Variants in ITIH5 observed in about 807,000 individuals in gnomAD.
ITIH5 encodes the protein inter-alpha-trypsin inhibitor heavy chain 5.
ITIH5 carries 65 observed loss-of-function variants against 77.5 expected under a neutral mutation model. That is an observed-to-expected ratio of 0.84 (90% CI 0.69 to 1.03). The LOEUF (loss-of-function observed/expected upper bound fraction) is 1.03, where lower values mean the gene tolerates loss of function less well. ITIH5 is among the 50% of genes least tolerant of loss of function. ITIH5 has a pLI of 0.00. For synonymous variants in ITIH5, 525 were observed against 494.3 expected (o/e 1.06, Z -0.82); for missense variants, 1,208 against 1,213.1 (o/e 1.00, Z 0.06).
intron 1 of ITIH5, among the ~76,000 whole-genome samples, chr10:7,658,282 C>T (rs1282087565): frequency 6.6e-6 from 1 of 152,026 alleles, no homozygotes; most frequent in Non-Finnish European, 1.5e-5. Flanking sequence ...CTCTTTTAAC[C>T]CCATTCCCTG....
intron 10 of ITIH5, among the ~76,000 whole-genome samples, chr10:7,574,870 C>T (rs1446951820): frequency 6.7e-6 from 1 of 150,292 alleles, no homozygotes; most frequent in Non-Finnish European, 1.5e-5. Context: ...GTCTTTCTGG[C>T]CCCCCGAGTC....
At chr10:7,592,703 A>T (rs928904393) in intron 7 of ITIH5, among the ~76,000 whole-genome samples, 7 of 152,212 alleles carry the variant, frequency 4.6e-5, no homozygotes, top group Non-Finnish European at 1.0e-4. Flanking sequence ...ACTGCACTCC[A>T]CAGGCAGGGG....
At chr10:7,628,071 C>A (rs576301977) in intron 5 of ITIH5, among the ~76,000 whole-genome samples, 2 of 152,104 alleles carry the variant, frequency 1.3e-5, no homozygotes, top group East Asian at 3.9e-4. Flanking sequence ...AAACTCCTGG[C>A]CTCAAGTTAT....
chr10:7,589,322 T>C (rs1317460993), intron 7 of ITIH5, among the ~76,000 whole-genome samples: 3 of 152,054 alleles, frequency 2.0e-5, no homozygotes, highest in Non-Finnish European at 4.4e-5. Flanking sequence ...TAGCTGGGCA[T>C]GGTGGCACGC....
rs747802532 is a variant in ITIH5, at chr10:7,576,512, G to A, written c.1919C>T (p.Ser640Leu). 24 of 1,611,352 alleles carry A rather than the reference G, an allele frequency of 1.5e-5. No homozygotes were observed. Among genetic ancestry groups the A allele is most frequent in the Middle Eastern group, 1.6e-4 (1 of 6,062 alleles). ...MDGLEEAHGM[S>L]AAMGPEPVVQ... ...CACCGGTTCGGGTCCCATGGCAGCC[G>A]ACATGCCGTGGGCCTCCTCCAGGCC... Residue 640 changes from serine to leucine, a missense_variant, in exon 10 of 14, where the codon TCG becomes TTG. Coordinates refer to ENST00000397146, the MANE Select transcript of ITIH5 (RefSeq NM_030569.7).
In ITIH5 at chr10:7,642,023, G is replaced by A. The variant is rs377349294; in HGVS notation, c.203C>T (p.Thr68Met). The change falls in exon 3 of 14, where the codon ACG becomes ATG. Residue 68 changes from threonine to methionine, a missense_variant. By Grantham distance (81) the Thr-to-Met change is moderately conservative. Coordinates refer to ENST00000397146, the MANE Select transcript of ITIH5 (RefSeq NM_030569.7). ...STIISRYAFTTVSCRMLNRAS... is the reference protein window; with the variant it reads ...STIISRYAFTMVSCRMLNRAS... Reference sequence around the variant, plus strand: ...TCTGTTCAGCATTCTGCAGGAAACCGTAGTGAAGGCATAACGGGAAATGAT... The same window carrying A: ...TCTGTTCAGCATTCTGCAGGAAACCATAGTGAAGGCATAACGGGAAATGAT... 41 of 1,613,792 alleles carry A rather than the reference G, an allele frequency of 2.5e-5. No individual in the cohort carries two copies. The highest frequency in any genetic ancestry group is 4.4e-5 in the South Asian group (4 of 91,076).
intron 1 of ITIH5, among the ~76,000 whole-genome samples, chr10:7,658,079 T>C (rs1834216715): frequency 6.6e-6 from 1 of 152,232 alleles, no homozygotes; most frequent in Non-Finnish European, 1.5e-5. Flanking sequence ...TGAAATCAGG[T>C]AACAAAACAC....
chr10:7,615,951 AG>A (rs760974155), intron 7 of ITIH5, 30 bp downstream of exon 7: 1 of 1,300,428 alleles, frequency 7.7e-7, no homozygotes, highest in African/African-American at 1.5e-5. Context: ...AAAGCGAGAG[AG>A]GAATAAATGG....
intron 1 of ITIH5, among the ~76,000 whole-genome samples, chr10:7,663,103 A>G (rs1403995793): frequency 9.2e-5 from 14 of 152,252 alleles, no homozygotes; most frequent in Admixed American, 9.2e-4. Flanking sequence ...ATTCAACTAA[A>G]TTATAAAAGT....
intron 5 of ITIH5, among the ~76,000 whole-genome samples, chr10:7,627,306 A>G (rs1833598306): frequency 6.8e-6 from 1 of 147,854 alleles, no homozygotes; most frequent in African/African-American, 2.5e-5. Flanking sequence ...AGTAAAAGAA[A>G]AAAAAGAAAA....
intron 7 of ITIH5, among the ~76,000 whole-genome samples, chr10:7,611,852 T>C (rs1833250887): frequency 6.6e-6 from 1 of 152,026 alleles, no homozygotes; most frequent in Non-Finnish European, 1.5e-5. Context: ...AAAGTGATTA[T>C]ACTGCTTTTA....
At chr10:7,655,536 G>C in intron 2 of ITIH5, 95 bp downstream of exon 2, 1 of 993,516 alleles carries the variant, frequency 1.0e-6, no homozygotes, top group Non-Finnish European at 1.6e-6. Context: ...AACTTTATAT[G>C]TTTTGGAGGA....
intron 2 of ITIH5, among the ~76,000 whole-genome samples, chr10:7,652,781 A>G (rs1195300111): frequency 1.3e-5 from 2 of 152,200 alleles, no homozygotes; most frequent in African/African-American, 4.8e-5. Flanking sequence ...TGATAGATTC[A>G]GAGAGGCATT....
chr10:7,645,007 C>T (rs773257386), intron 2 of ITIH5, among the ~76,000 whole-genome samples: 4 of 148,068 alleles, frequency 2.7e-5, no homozygotes, highest in Non-Finnish European at 4.4e-5. Flanking sequence ...AACACCAAGA[C>T]AGGGAGCTGC....
chr10:7,644,530 GATATATCACATATATA>G (rs1439946942), intron 2 of ITIH5, among the ~76,000 whole-genome samples: 6 of 59,754 alleles, frequency 1.0e-4, no homozygotes, highest in African/African-American at 3.7e-4. Flanking sequence ...ACATATATAT[GATATATCACATATATA>G]TGATATATCA....
intron 2 of ITIH5, among the ~76,000 whole-genome samples, chr10:7,645,764 G>A (rs1208935351): frequency 6.6e-6 from 1 of 152,016 alleles, no homozygotes; most frequent in Non-Finnish European, 1.5e-5. Flanking sequence ...AAGCGATTAG[G>A]ATTAAAAAAG....
chr10:7,577,194 A>G (rs925984509), intron 9 of ITIH5, among the ~76,000 whole-genome samples, 182 bp from the exon 10 acceptor site: 12 of 152,160 alleles, frequency 7.9e-5, no homozygotes, highest in Non-Finnish European at 1.0e-4. Flanking sequence ...GTTGAACACC[A>G]TTGGTGAGAG....
chr10:7,603,049 G>A (rs1190972894), intron 7 of ITIH5, among the ~76,000 whole-genome samples: 2 of 152,102 alleles, frequency 1.3e-5, no homozygotes, highest in African/African-American at 2.4e-5. Context: ...ATCAGCCACT[G>A]AAGAAATCCT....
chr10:7,640,465 G>C (rs1833866614), intron 4 of ITIH5, among the ~76,000 whole-genome samples: 1 of 135,202 alleles, frequency 7.4e-6, no homozygotes, highest in South Asian at 2.4e-4. Flanking sequence ...CAAAGAGTGA[G>C]ACCTCATTCC....
Sources: gnomAD v4.1 joint callset for allele counts (sites outside exome capture counted in the v4.1 genomes callset) on GRCh38, gnomAD v4.1.1 for gene constraint, MANE v1.5 for transcripts, NCBI Gene and HGNC (gene_info 2026-07-23, HGNC 2026-07-21) for gene names.